SYN3: variants seen among roughly 807,000 people sequenced by gnomAD.
SYN3 encodes the protein synapsin III.
In SYN3, 35 loss-of-function variants were observed where a neutral mutation model predicts 65.8. That is an observed-to-expected ratio of 0.53 (90% confidence interval 0.41 to 0.70). The LOEUF (loss-of-function observed/expected upper bound fraction) is 0.70. SYN3 is among the 30% of genes least tolerant of loss of function. The pLI, the probability that SYN3 is intolerant of heterozygous loss-of-function variation, is 0.00. For synonymous variants in SYN3, 270 were observed against 292.9 expected (o/e 0.92, Z 0.80); for missense variants, 680 against 749.0 (o/e 0.91, Z 1.08).
At chr22:32,805,142 T>G (rs2063240143) in intron 6 of SYN3, among the ~76,000 whole-genome samples, 2 of 152,146 alleles carry the variant, frequency 1.3e-5, no homozygotes, top group African/African-American at 2.4e-5. Context: ...TCTCCTTCTC[T>G]CTTGCCGCCT....
chr22:32,882,795 T>C (rs537847247), intron 4 of SYN3, among the ~76,000 whole-genome samples: 66 of 152,234 alleles, frequency 4.3e-4, no homozygotes, highest in Admixed American at 1.9e-3. Context: ...ACTATCTATG[T>C]GTAAGATTAT....
chr22:32,782,948 A>G (rs1479932769), intron 6 of SYN3, among the ~76,000 whole-genome samples: 1 of 152,234 alleles, frequency 6.6e-6, no homozygotes. Flanking sequence ...GCAACTCTCT[A>G]TTGAGAGGAG....
chr22:32,983,194 C>G (rs184213396), intron 2 of SYN3, among the ~76,000 whole-genome samples: 1 of 152,166 alleles, frequency 6.6e-6, no homozygotes, highest in Non-Finnish European at 1.5e-5. Context: ...AATACTCATT[C>G]TCCCCTTTTC....
chr22:32,838,704 T>C (rs1439195725), intron 6 of SYN3, among the ~76,000 whole-genome samples: 1 of 152,034 alleles, frequency 6.6e-6, no homozygotes, highest in Admixed American at 6.6e-5. Context: ...AGTAACTCTA[T>C]GGAACAAGGA....
At chr22:32,861,654 C>G (rs924300713) in intron 6 of SYN3, 1 of 152,574 alleles carries the variant, frequency 6.6e-6, no homozygotes, top group African/African-American at 2.4e-5. Context: ...CCTGCGGAGT[C>G]GATAAATTAG....
intron 6 of SYN3, among the ~76,000 whole-genome samples, chr22:32,651,238 G>A (rs920608231): frequency 3.3e-5 from 5 of 152,136 alleles, no homozygotes; most frequent in East Asian, 1.9e-4. Context: ...CGCTTGTGGC[G>A]GGAGAAAGAG....
chr22:32,564,930 CGG>C (rs2058645294), intron 7 of SYN3, among the ~76,000 whole-genome samples: 1 of 146,484 alleles, frequency 6.8e-6, no homozygotes, highest in African/African-American at 2.5e-5. Flanking sequence ...ACAGTGCTCC[CGG>C]ATTGTACCCA....
intron 7 of SYN3, among the ~76,000 whole-genome samples, chr22:32,550,827 C>G (rs2058403329): frequency 6.6e-6 from 1 of 152,024 alleles, no homozygotes; most frequent in Non-Finnish European, 1.5e-5. Flanking sequence ...AGAAAATGTA[C>G]AAGATGAGTT....
intron 7 of SYN3, among the ~76,000 whole-genome samples, chr22:32,558,623 A>G (rs986092133): frequency 6.6e-6 from 1 of 152,236 alleles, no homozygotes; most frequent in Non-Finnish European, 1.5e-5. Context: ...CTCCAGTGAC[A>G]GATGGGCTTG....
chr22:32,983,988 T>A (rs2052445474), intron 2 of SYN3, among the ~76,000 whole-genome samples: 1 of 151,586 alleles, frequency 6.6e-6, no homozygotes, highest in African/African-American at 2.4e-5. Context: ...TGAAACCCCA[T>A]CTCTACTAAA....
intron 3 of SYN3, among the ~76,000 whole-genome samples, chr22:32,931,829 T>C (rs1030257054): frequency 6.6e-6 from 1 of 152,160 alleles, no homozygotes; most frequent in African/African-American, 2.4e-5. Context: ...CAGATGCTGT[T>C]TGATGGGACA....
chr22:32,999,029 C>G (rs926094131), intron 2 of SYN3, among the ~76,000 whole-genome samples: 2 of 152,132 alleles, frequency 1.3e-5, no homozygotes, highest in African/African-American at 4.8e-5. Context: ...ATGACATATG[C>G]TAACTGAACA....
chr22:32,595,834 T>C (rs762099414), intron 7 of SYN3, among the ~76,000 whole-genome samples: 1 of 152,204 alleles, frequency 6.6e-6, no homozygotes, highest in East Asian at 1.9e-4. Flanking sequence ...CCCAACACTG[T>C]GGGAGGCCAT....
intron 3 of SYN3, among the ~76,000 whole-genome samples, chr22:32,974,317 TCA>T (rs1894792030): frequency 6.6e-6 from 1 of 152,222 alleles, no homozygotes; most frequent in South Asian, 2.1e-4. Flanking sequence ...TCTGTGAGTC[TCA>T]GTTTCTGAAA....
chr22:33,018,944 A>C (rs1157075874), intron 1 of SYN3, among the ~76,000 whole-genome samples: 1 of 152,078 alleles, frequency 6.6e-6, no homozygotes, highest in Non-Finnish European at 1.5e-5. Context: ...CTTCAGCATC[A>C]TCCCCTCCTC....
chr22:32,692,177 C>CAAAAAAAAAAAAAAAAAAAAAA (rs2060673135), intron 6 of SYN3, among the ~76,000 whole-genome samples: 3 of 65,958 alleles, frequency 4.5e-5, no homozygotes, highest in African/African-American at 8.8e-5. Flanking sequence ...AAAAAAAAAA[C>CAAAAAAAAAAAAAAAAAAAAAA]AGGACGGTCT....
At position 32,701,420 on chromosome 22, in the gene SYN3, A is replaced by C. The variant is rs186388026; in HGVS notation, c.712-104684T>G. ...TACCAGGTATGTAAGAAAGCAGAAA[A>C]ATATAACCCATAACCAGGAGAAAAA... On this transcript the variant is annotated intron_variant, in intron 6 of 13. Coordinates refer to ENST00000358763, the MANE Select transcript of SYN3 (RefSeq NM_003490.4). Among the ~76,000 whole-genome samples, 399 of 152,352 alleles carry C rather than the reference A, an allele frequency of 2.6e-3. 2 individuals are homozygous for C. Among genetic ancestry groups the C allele is most frequent in the African/African-American group, 8.9e-3 (372 of 41,576 alleles).
At chr22:32,729,336 G>A (rs1368955619) in intron 6 of SYN3, among the ~76,000 whole-genome samples, 2 of 152,250 alleles carry the variant, frequency 1.3e-5, no homozygotes, top group Admixed American at 6.5e-5. Flanking sequence ...TCCCGATTCA[G>A]TGGACAGTTG....
chr22:32,946,732 C>A lies in SYN3; in HGVS notation c.370-15251G>T, dbSNP rs73162009. On this transcript the variant is annotated intron_variant, in intron 3 of 13. Transcript: ENST00000358763. ...CCTTATTTTTAACAGAAAAAAAGACCCCATGCCATAATATATTGCTTTAGT... is the reference window on the plus strand; with the variant it reads ...CCTTATTTTTAACAGAAAAAAAGACACCATGCCATAATATATTGCTTTAGT... Among the ~76,000 whole-genome samples the A allele has an allele frequency of 7.0e-3, 1,068 of 152,032 alleles. 9 individuals carry two copies. Among genetic ancestry groups the A allele is most frequent in the South Asian group, 0.035 (169 of 4,808 alleles).
Sources: gnomAD v4.1 joint callset for allele counts (sites outside exome capture counted in the v4.1 genomes callset) on GRCh38, gnomAD v4.1.1 for gene constraint, MANE v1.5 for transcripts, NCBI Gene and HGNC (gene_info 2026-07-23, HGNC 2026-07-21) for gene names.